DDHD2: variants seen among roughly 807,000 people sequenced by gnomAD.
DDHD2 encodes DDHD domain containing 2.
In DDHD2, 62 loss-of-function variants were observed where a neutral mutation model predicts 91.2. That is an observed-to-expected ratio of 0.68 (90% CI 0.55 to 0.84). The LOEUF (loss-of-function observed/expected upper bound fraction) is 0.84. Ranked by LOEUF, DDHD2 falls within the 40% of genes least tolerant of loss-of-function variation. The probability of loss-of-function intolerance (pLI) is 0.00; values close to 1 mark genes in which losing one functional copy is unlikely to be tolerated. For synonymous variants in DDHD2, 271 were observed against 293.9 expected, an observed-to-expected ratio of 0.92 and a Z score of 0.80; for missense variants, 740 against 846.9, an observed-to-expected ratio of 0.87 and a Z score of 1.57.
At chr8:38,257,204 A>C (rs996826049) in intron 16 of DDHD2, among the ~76,000 whole-genome samples, 4 of 132,986 alleles carry the variant, frequency 3.0e-5, no homozygotes, top group Admixed American at 7.8e-5. Flanking sequence ...AAGTGCTGGG[A>C]TTACAGGTGT....
downstream of DDHD2, chr8:38,267,560 G>A: frequency 1.3e-6 from 1 of 774,032 alleles, no homozygotes; most frequent in Non-Finnish European, 2.0e-6. Context: ...CTTTCAAGGT[G>A]AGCATTTAAA....
In DDHD2 at chr8:38,268,076, G is replaced by A. The variant is rs1043671210; in HGVS notation, n.88-3046G>A. 5 of 1,534,578 alleles carry A rather than the reference G, an allele frequency of 3.3e-6. No individual in the cohort carries two copies. In the East Asian group the frequency reaches 1.2e-4, roughly 36 times the overall value. On this transcript the variant is annotated intron_variant and non_coding_transcript_variant, in intron 1 of 1. Coordinates refer to the DDHD2 transcript ENST00000526071. ...GATGGATAGAATCCAACCAGGCCTG[G>A]GCACAAAAATAATTAGGGTCCTCAG...
chr8:38,268,885 C>T (rs1189904816), intron 1 of DDHD2: 1 of 1,552,896 alleles, frequency 6.4e-7, no homozygotes, highest in South Asian at 1.2e-5. Context: ...CACGCACAAA[C>T]ATCGGCTTGG....
At chr8:38,246,532 T>G (rs996752480) in intron 9 of DDHD2, among the ~76,000 whole-genome samples, 2 of 152,224 alleles carry the variant, frequency 1.3e-5, no homozygotes, top group Admixed American at 1.3e-4. Context: ...CATAGTTATC[T>G]TATTTTCTTT....
At position 38,249,764 on chromosome 8, in the gene DDHD2, G is replaced by A. The variant is rs372509717; in HGVS notation, c.1305G>A (p.Lys435=). The A allele has an allele frequency of 1.5e-5, 24 of 1,612,138 alleles. No homozygotes were observed. The highest frequency in any genetic ancestry group is 2.0e-5 in the Non-Finnish European group (24 of 1,178,790). ...TAGGAATTCCTTTAGGACCAAGAAAGAAGATATTAAACTATTTCAGCACCA... is the reference window on the plus strand; with the variant it reads ...TAGGAATTCCTTTAGGACCAAGAAAAAAGATATTAAACTATTTCAGCACCA... ...QEIGIPLGPR[K]KILNYFSTRK... is the part of the protein sequence containing the mutation. Residue 435 remains lysine, a synonymous_variant, in exon 11 of 18, where the codon AAG becomes AAA. Coordinates refer to ENST00000397166, the MANE Select transcript of DDHD2 (RefSeq NM_015214.3).
At chr8:38,263,572 A>G, downstream of DDHD2, 1 of 985,432 alleles carries the variant, frequency 1.0e-6, no homozygotes, top group Non-Finnish European at 1.2e-6. Context: ...ACGGTGTTCA[A>G]AATGCACAGC....
At position 38,251,997 on chromosome 8, in the gene DDHD2, A is replaced by G; in HGVS notation, c.1430A>G (p.Asn477Ser). 1.9e-6 allele frequency: 3 copies of G among 1,614,172 alleles called. No individual in the cohort carries two copies. The highest frequency in any genetic ancestry group is 2.5e-6 in the Non-Finnish European group (3 of 1,179,970). ...SEFCSSSNTRNGDYLDVGIGQ... is the reference protein window; with the variant it reads ...SEFCSSSNTRSGDYLDVGIGQ... ...TTCTGCAGTAGCAGTAATACTAGAA[A>G]TGGTGACTATCTGGATGTTGGCATT... Residue 477 changes from asparagine to serine, a missense_variant, in exon 12 of 18, where the codon AAT (asparagine) becomes AGT (serine). Asn to Ser is a conservative substitution (Grantham distance 46). Transcript: ENST00000397166.
intron 16 of DDHD2, among the ~76,000 whole-genome samples, chr8:38,257,003 A>G (rs1806560955): frequency 7.5e-6 from 1 of 134,052 alleles, no homozygotes; most frequent in Admixed American, 7.3e-5. Context: ...AGCTCACTGC[A>G]GCCTTGACCT....
At chr8:38,239,129 T>G (rs923538716) in intron 5 of DDHD2, 2 of 152,142 alleles carry the variant, frequency 1.3e-5, no homozygotes, top group African/African-American at 4.8e-5. Context: ...ATCCCAGCAC[T>G]TGGGGAGGCC....
At chr8:38,246,618 G>A (rs1437471278) in intron 9 of DDHD2, among the ~76,000 whole-genome samples, 8 of 152,200 alleles carry the variant, frequency 5.3e-5, no homozygotes, top group Admixed American at 5.2e-4. Context: ...GAGACTGGTG[G>A]ATCACCTTAG....
rs1808111266 is a variant in DDHD2, at chr8:38,268,622, G to GCC, written n.88-2498_88-2497dup. The GCC allele has an allele frequency of 2.1e-6, 3 of 1,440,590 alleles. No individual in the cohort carries two copies. In the African/African-American group the frequency reaches 4.3e-5, roughly 21 times the overall value. 89.2% of individuals were successfully genotyped at this position (1,440,590 alleles called of 1,614,324 possible). ...GGCAGCGCCACCAGTGAACAGCAGC[G>GCC]CCCGTGCGGCTCGGGCCCCGGTACC... On this transcript the variant is annotated intron_variant and non_coding_transcript_variant, in intron 1 of 1. Coordinates refer to the DDHD2 transcript ENST00000526071.
At chr8:38,242,141 T>A in intron 6 of DDHD2, 109 bp from the exon 7 acceptor site, 1 of 828,030 alleles carries the variant, frequency 1.2e-6, no homozygotes, top group Non-Finnish European at 1.9e-6. Context: ...CGGAAGTCAG[T>A]ATGTGTTCTG....
chr8:38,264,217 G>A (rs1306029960), downstream of DDHD2: 21 of 901,262 alleles, frequency 2.3e-5, no homozygotes, highest in Admixed American at 2.3e-4. Context: ...GTGCGATCTC[G>A]GCTCACTGGA....
intron 1 of DDHD2, among the ~76,000 whole-genome samples, chr8:38,232,605 C>G (rs1804368140): frequency 1.3e-5 from 2 of 152,234 alleles, no homozygotes; most frequent in South Asian, 4.1e-4. Context: ...CAGGGCATGA[C>G]CCAGCTGACT....
chr8:38,236,592 C>T (rs1000820166), intron 3 of DDHD2, among the ~76,000 whole-genome samples: 9 of 151,066 alleles, frequency 6.0e-5, no homozygotes, highest in Middle Eastern at 3.5e-3. Flanking sequence ...CTCAGCTCAC[C>T]GCAACCTCTG....
intron 1 of DDHD2, among the ~76,000 whole-genome samples, chr8:38,232,631 G>T (rs1804371331): frequency 6.6e-6 from 1 of 152,222 alleles, no homozygotes. Flanking sequence ...TAAATTTTCT[G>T]CCTTTAACTA....
intron 5 of DDHD2, chr8:38,238,437 C>G: frequency 7.9e-7 from 1 of 1,267,656 alleles, no homozygotes; most frequent in Admixed American, 3.8e-5. Flanking sequence ...GCAATACTAT[C>G]CAGGAAGTCA....
intron 7 of DDHD2, among the ~76,000 whole-genome samples, chr8:38,245,431 C>CAA (rs921954707): frequency 4.6e-5 from 5 of 109,618 alleles, no homozygotes; most frequent in African/African-American, 6.8e-5. Flanking sequence ...GAGTCTGTCT[C>CAA]AAAAAAAAAA....
Position 38,247,868 on chromosome 8 carries a change from C to G in DDHD2, c.1248+33C>G, listed in dbSNP as rs1288845543. Reference sequence around the variant, plus strand: ...TAATCTTTTAAAACTTTATGCCAAGCCATTTTCAGTATTTTTGTTTATCGT... The same window carrying G: ...TAATCTTTTAAAACTTTATGCCAAGGCATTTTCAGTATTTTTGTTTATCGT... On this transcript the variant is annotated intron_variant, in intron 10 of 17. Coordinates refer to ENST00000397166, the MANE Select transcript of DDHD2 (RefSeq NM_015214.3). 2.0e-6 allele frequency: 3 copies of G among 1,512,702 alleles called. No homozygotes were observed. In the South Asian group the frequency reaches 3.9e-5, roughly 20 times the overall value. The allele number at this position is 1,512,702 out of a possible 1,614,324, so 93.7% of individuals were successfully genotyped here. A position where few individuals can be genotyped will look rare whatever the true frequency, so the allele number is the denominator to read the frequency against.
Sources: gnomAD v4.1 joint callset for allele counts (sites outside exome capture counted in the v4.1 genomes callset) on GRCh38, gnomAD v4.1.1 for gene constraint, MANE v1.5 for transcripts, NCBI Gene and HGNC (gene_info 2026-07-23, HGNC 2026-07-21) for gene names.